The following CNTNAP2 variants were observed in gnomAD, a reference collection of about 807,000 sequenced individuals.
CNTNAP2 encodes contactin associated protein 2.
A neutral mutation model predicts 155.2 loss-of-function variants in CNTNAP2; 98 were observed. That is an observed-to-expected ratio of 0.63 (90% CI 0.54 to 0.75). CNTNAP2 has a LOEUF of 0.75. CNTNAP2 is among the 30% of genes least tolerant of loss of function. The pLI is 0.00. For missense variants in CNTNAP2, 1,727 were observed against 1,688.1 expected (o/e 1.02, Z -0.40); for synonymous variants, 651 against 631.2 (o/e 1.03, Z -0.47).
chr7:147,627,202 A>G (rs1003307024), intron 12 of CNTNAP2, among the ~76,000 whole-genome samples: 1 of 152,202 alleles, frequency 6.6e-6, no homozygotes, highest in Non-Finnish European at 1.5e-5. Flanking sequence ...CACTGAAATA[A>G]TCTACGCAAA....
At chr7:146,449,339 A>G (rs531012977) in intron 1 of CNTNAP2, among the ~76,000 whole-genome samples, 1 of 152,066 alleles carries the variant, frequency 6.6e-6, no homozygotes, top group South Asian at 2.1e-4. Flanking sequence ...CTATTATATT[A>G]TGTAATTTGT....
chr7:146,962,751 A>G (rs951679270), intron 3 of CNTNAP2: 1 of 152,176 alleles, frequency 6.6e-6, no homozygotes, highest in African/African-American at 2.4e-5. Context: ...GGGTTTTGCC[A>G]TGTTGGCCAG....
chr7:148,245,195 C>T (rs1254990206), intron 20 of CNTNAP2, among the ~76,000 whole-genome samples: 2 of 152,130 alleles, frequency 1.3e-5, no homozygotes, highest in Non-Finnish European at 2.9e-5. Flanking sequence ...CAGGTTGGCA[C>T]ATGGAGGAGC....
chr7:147,824,549 G>C (rs10245920), intron 13 of CNTNAP2, among the ~76,000 whole-genome samples: 8,148 of 152,152 alleles, frequency 0.054, 721 homozygotes, highest in African/African-American at 0.19. Flanking sequence ...GAAGGAACGA[G>C]TTTTGGCATG....
At chr7:147,513,832 C>A (rs1469241836) in intron 11 of CNTNAP2, among the ~76,000 whole-genome samples, 2 of 152,144 alleles carry the variant, frequency 1.3e-5, no homozygotes, top group African/African-American at 4.8e-5. Flanking sequence ...CAATCTGCAC[C>A]CGGGGGATAT....
At chr7:146,776,544 A>G (rs997294274) in intron 2 of CNTNAP2, among the ~76,000 whole-genome samples, 1 of 152,208 alleles carries the variant, frequency 6.6e-6, no homozygotes, top group Non-Finnish European at 1.5e-5. Flanking sequence ...AGGAGAGAGT[A>G]TAAATGTTAT....
At chr7:147,641,544 T>A (rs1795278665) in intron 13 of CNTNAP2, among the ~76,000 whole-genome samples, 1 of 152,110 alleles carries the variant, frequency 6.6e-6, no homozygotes, top group Non-Finnish European at 1.5e-5. Context: ...TTATAATGAG[T>A]GCTATGGACT....
intron 1 of CNTNAP2, among the ~76,000 whole-genome samples, chr7:146,492,405 G>C (rs1797154746): frequency 6.6e-6 from 1 of 152,160 alleles, no homozygotes; most frequent in Non-Finnish European, 1.5e-5. Context: ...CTATTTTATT[G>C]AGGTTAGGCA....
chr7:147,568,029 T>C (rs1254415571), intron 12 of CNTNAP2, among the ~76,000 whole-genome samples: 1 of 152,148 alleles, frequency 6.6e-6, no homozygotes, highest in Non-Finnish European at 1.5e-5. Context: ...GAGGTTCCAG[T>C]GAGCCGAGAT....
chr7:146,848,640 C>T (rs1451230497), intron 3 of CNTNAP2, among the ~76,000 whole-genome samples: 1 of 152,058 alleles, frequency 6.6e-6, no homozygotes, highest in Non-Finnish European at 1.5e-5. Context: ...GAGTTGGTCA[C>T]TCAGAGAAGA....
At chr7:148,272,294 A>T (rs951667515) in intron 21 of CNTNAP2, among the ~76,000 whole-genome samples, 8 of 152,204 alleles carry the variant, frequency 5.3e-5, no homozygotes, top group Admixed American at 1.3e-4. Flanking sequence ...TCCATCTTTC[A>T]TCCCTCATAT....
At chr7:146,603,772 A>T (rs1232926901) in intron 1 of CNTNAP2, among the ~76,000 whole-genome samples, 1 of 150,826 alleles carries the variant, frequency 6.6e-6, no homozygotes, top group African/African-American at 2.4e-5. Flanking sequence ...AATGCCACAT[A>T]ACTACAACTA....
At chr7:146,589,865 G>C (rs185572374) in intron 1 of CNTNAP2, among the ~76,000 whole-genome samples, 5 of 152,158 alleles carry the variant, frequency 3.3e-5, no homozygotes, top group African/African-American at 1.2e-4. Flanking sequence ...GATAGAGGAA[G>C]CAGAGTTTTC....
intron 20 of CNTNAP2, among the ~76,000 whole-genome samples, chr7:148,257,084 G>A (rs1386376169): frequency 6.6e-6 from 1 of 152,110 alleles, no homozygotes; most frequent in Non-Finnish European, 1.5e-5. Flanking sequence ...ACCTGGGAGT[G>A]CACAGTGCCT....
At chr7:146,735,280 C>T (rs534273946) in intron 1 of CNTNAP2, among the ~76,000 whole-genome samples, 2 of 152,280 alleles carry the variant, frequency 1.3e-5, no homozygotes, top group East Asian at 1.9e-4. Context: ...TGGCCAGGCA[C>T]GGTGGCTCAC....
At chr7:148,057,874 A>C (rs1585102032) in intron 15 of CNTNAP2, among the ~76,000 whole-genome samples, 1 of 151,932 alleles carries the variant, frequency 6.6e-6, no homozygotes, top group East Asian at 1.9e-4. Context: ...CAAATTCTCT[A>C]TCAGAAATGT....
At position 148,355,166 on chromosome 7, in the gene CNTNAP2, CTTTTTTTTTTTTTT is replaced by C. The variant is rs1167992306; in HGVS notation, c.3476-28463_3476-28450del. ...CACTTCATGCATCAGCCGCCAGCTG[CTTTTTTTTTTTTTT>C]TTTTTTTTTTTTTTTTTTTGAGACG... On this transcript the variant is annotated intron_variant, in intron 21 of 23. Transcript: ENST00000361727. Among the ~76,000 whole-genome samples the C allele has an allele frequency of 5.1e-4, 21 of 41,026 alleles. No individual in the cohort carries two copies. The South Asian group carries it at 0.011, about 22-fold the overall frequency. The allele number at this position is 41,026 out of a possible 152,430, so 26.9% of individuals were successfully genotyped here. A position where few individuals can be genotyped will look rare whatever the true frequency, so the allele number is the denominator to read the frequency against.
intron 21 of CNTNAP2, among the ~76,000 whole-genome samples, chr7:148,367,003 A>C (rs1183588280): frequency 2.0e-5 from 3 of 152,102 alleles, no homozygotes; most frequent in Non-Finnish European, 4.4e-5. Context: ...GAGGCCCAGG[A>C]AGGCGGATCA....
At chr7:147,554,921 G>A (rs988386184) in intron 11 of CNTNAP2, among the ~76,000 whole-genome samples, 1 of 152,092 alleles carries the variant, frequency 6.6e-6, no homozygotes, top group African/African-American at 2.4e-5. Context: ...TAGGTATTGT[G>A]AAGCTTATAT....
Sources: gnomAD v4.1 joint callset for allele counts (sites outside exome capture counted in the v4.1 genomes callset) on GRCh38, gnomAD v4.1.1 for gene constraint, MANE v1.5 for transcripts, NCBI Gene and HGNC (gene_info 2026-07-23, HGNC 2026-07-21) for gene names.